ADARB2: variants seen among roughly 807,000 people sequenced by gnomAD.
ADARB2 encodes inactive double-stranded RNA-specific editase B2.
A neutral mutation model predicts 62.2 loss-of-function variants in ADARB2; 25 were observed. The observed-to-expected ratio is 0.40, with a 90% CI of 0.29 to 0.56. ADARB2 has a LOEUF of 0.56. ADARB2 is among the 20% of genes least tolerant of loss of function. The pLI is 0.43. For missense variants in ADARB2, 1,071 were observed against 1,077.4 expected (o/e 0.99, Z 0.08); for synonymous variants, 572 against 500.8 (o/e 1.14, Z -1.90).
chr10:1,547,040 C>CGAGAGTG (rs1404637860), intron 1 of ADARB2, among the ~76,000 whole-genome samples: 1 of 152,172 alleles, frequency 6.6e-6, no homozygotes, highest in Non-Finnish European at 1.5e-5. Flanking sequence ...AGCCATTCGT[C>CGAGAGTG]GAGAGCGGGA....
intron 1 of ADARB2, chr10:1,676,164 A>G (rs1427130972): frequency 2.1e-6 from 1 of 473,966 alleles, no homozygotes; most frequent in African/African-American, 2.1e-5. Flanking sequence ...AAATTAAGTG[A>G]GTTAATCGGT....
At chr10:1,435,026 G>C (rs76032664) in intron 1 of ADARB2, among the ~76,000 whole-genome samples, 11,416 of 152,320 alleles carry the variant, frequency 0.075, 593 homozygotes, top group East Asian at 0.24. Context: ...TCACAGCTTC[G>C]TTGGGGGAAG....
At chr10:1,307,750 A>G (rs1334281731) in intron 3 of ADARB2, among the ~76,000 whole-genome samples, 1 of 86,288 alleles carries the variant, frequency 1.2e-5, no homozygotes, top group Non-Finnish European at 2.4e-5. Flanking sequence ...CTATGCAGCC[A>G]TGAAAAATGA....
At chr10:1,277,111 G>T (rs1170552495) in intron 3 of ADARB2, among the ~76,000 whole-genome samples, 2 of 152,244 alleles carry the variant, frequency 1.3e-5, no homozygotes, top group East Asian at 3.8e-4. Flanking sequence ...AAAGCAGTGT[G>T]TAGAGGGAAA....
intron 4 of ADARB2, among the ~76,000 whole-genome samples, chr10:1,265,345 AAC>A (rs1342616623): frequency 3.1e-4 from 47 of 152,388 alleles, no homozygotes; most frequent in African/African-American, 1.1e-3. Context: ...TCGCTCATGA[AAC>A]ACAAGAGTTT....
At chr10:1,385,526 G>C (rs536083398) in intron 1 of ADARB2, among the ~76,000 whole-genome samples, 99 of 150,526 alleles carry the variant, frequency 6.6e-4, no homozygotes, top group African/African-American at 2.4e-3. Flanking sequence ...TTTCACATTG[G>C]ATATGTCACT....
intron 1 of ADARB2, chr10:1,556,818 C>T (rs756576774): frequency 3.6e-5 from 19 of 534,394 alleles, no homozygotes; most frequent in South Asian, 2.5e-4. Flanking sequence ...GCATATGCTG[C>T]AGACACTTGC....
intron 1 of ADARB2, among the ~76,000 whole-genome samples, chr10:1,678,971 C>A (rs181078703): frequency 1.3e-5 from 2 of 152,212 alleles, no homozygotes; most frequent in African/African-American, 4.8e-5. Flanking sequence ...GCATTCAGGC[C>A]AATGCCCACT....
intron 1 of ADARB2, among the ~76,000 whole-genome samples, chr10:1,386,528 T>G (rs150601756): frequency 1.3e-5 from 2 of 151,948 alleles, no homozygotes; most frequent in Non-Finnish European, 2.9e-5. Flanking sequence ...ATGTTAACAA[T>G]AGACACAGTA....
chr10:1,244,146 C>G (rs1830955220), intron 4 of ADARB2, among the ~76,000 whole-genome samples: 1 of 152,234 alleles, frequency 6.6e-6, no homozygotes, highest in Non-Finnish European at 1.5e-5. Flanking sequence ...CTACAGGGAG[C>G]TGGGGTGGGC....
At chr10:1,670,911 G>C (rs1388758215) in intron 1 of ADARB2, among the ~76,000 whole-genome samples, 1 of 152,158 alleles carries the variant, frequency 6.6e-6, no homozygotes. Context: ...TGGAAGGGAC[G>C]GGGGCAGAAC....
At chr10:1,463,943 A>G (rs1360653060) in intron 1 of ADARB2, among the ~76,000 whole-genome samples, 3 of 152,252 alleles carry the variant, frequency 2.0e-5, no homozygotes, top group Non-Finnish European at 2.9e-5. Flanking sequence ...CAGCACCATC[A>G]GTCATTAGGA....
At chr10:1,647,740 ATATG>A (rs752105895) in intron 1 of ADARB2, among the ~76,000 whole-genome samples, 91 of 151,922 alleles carry the variant, frequency 6.0e-4, no homozygotes, top group African/African-American at 1.6e-3. Context: ...ATATGTGTAT[ATATG>A]TATGTGTGTA....
At chr10:1,669,513 CACAG>C in intron 1 of ADARB2, among the ~76,000 whole-genome samples, 1 of 151,832 alleles carries the variant, frequency 6.6e-6, no homozygotes, top group Middle Eastern at 3.4e-3. Context: ...CAGCTAGACA[CACAG>C]ACACACTCAC....
chr10:1,291,725 A>G (rs960809275), intron 3 of ADARB2: 1 of 152,184 alleles, frequency 6.6e-6, no homozygotes, highest in Admixed American at 6.5e-5. Context: ...ACAAACATGC[A>G]ACCAAGACGG....
intron 1 of ADARB2, among the ~76,000 whole-genome samples, chr10:1,691,378 A>G (rs1359083818): frequency 6.6e-6 from 1 of 152,146 alleles, no homozygotes; most frequent in Non-Finnish European, 1.5e-5. Flanking sequence ...GTCTTTTGTT[A>G]TGACAGCCCC....
chr10:1,198,964 G>A (rs960399438), intron 8 of ADARB2, among the ~76,000 whole-genome samples: 3 of 152,242 alleles, frequency 2.0e-5, no homozygotes, highest in Non-Finnish European at 4.4e-5. Context: ...AAGCCCTTCA[G>A]TAGGTGCTGG....
chr10:1,518,697 T>G (rs1337580576), intron 1 of ADARB2, among the ~76,000 whole-genome samples: 1 of 152,012 alleles, frequency 6.6e-6, no homozygotes, highest in South Asian at 2.1e-4. Flanking sequence ...CACAAAGTGG[T>G]CATACGCATT....
At chr10:1,379,721 C>T (rs984989057) in intron 1 of ADARB2, among the ~76,000 whole-genome samples, 3 of 152,186 alleles carry the variant, frequency 2.0e-5, no homozygotes, top group Non-Finnish European at 4.4e-5. Flanking sequence ...ACAGTCCTCC[C>T]GGAAACGGCC....
Sources: gnomAD v4.1 joint callset for allele counts (sites outside exome capture counted in the v4.1 genomes callset) on GRCh38, gnomAD v4.1.1 for gene constraint, MANE v1.5 for transcripts, NCBI Gene and HGNC (gene_info 2026-07-23, HGNC 2026-07-21) for gene names.